The following CFAP299 variants were observed in gnomAD, a reference collection of about 807,000 sequenced individuals.
The protein encoded by CFAP299 is cilia- and flagella-associated protein 299.
Under a neutral mutation model 27.0 loss-of-function variants are expected in CFAP299, and 21 were observed. The ratio of observed to expected loss-of-function variants is 0.78; its 90% CI spans 0.55 to 1.12. The LOEUF (loss-of-function observed/expected upper bound fraction) is 1.12, where lower values mean the gene tolerates loss of function less well. Among genes scored for constraint, CFAP299 ranks in the 50% most tolerant of loss-of-function variants. The pLI, the probability that CFAP299 is intolerant of heterozygous loss-of-function variation, is 0.00. For synonymous variants in CFAP299, 104 were observed against 98.1 expected (o/e 1.06, Z -0.36); for missense variants, 310 against 276.6 (o/e 1.12, Z -0.86).
rs1361466710 is a variant in CFAP299 at position 80,535,656 on chromosome 4, CAAA to C, written c.243-47433_243-47431del. Among the ~76,000 whole-genome samples, 4 of 152,196 alleles carry C rather than the reference CAAA, an allele frequency of 2.6e-5. No homozygotes were observed. The East Asian group carries it at 7.7e-4, about 29-fold the overall frequency. On this transcript the variant is annotated intron_variant, in intron 2 of 5. Coordinates refer to ENST00000358105, the MANE Select transcript of CFAP299 (RefSeq NM_152770.3). ...CCTAGATTCTCAGGTACAGAAATCT[CAAA>C]AAACTCTCTTCCTGTTTTTGATAAA...
chr4:80,500,306 C>T lies in CFAP299; in HGVS notation c.243-82787C>T, dbSNP rs543163796. On this transcript the variant is annotated intron_variant, in intron 2 of 5. Transcript: ENST00000358105. Reference sequence around the variant, plus strand: ...TCTTCCTTGGTGGCATCTGCCATTCCATGGAAAGCAGCTTCATTCAGTGTT... The same window carrying T: ...TCTTCCTTGGTGGCATCTGCCATTCTATGGAAAGCAGCTTCATTCAGTGTT... Among the ~76,000 whole-genome samples, 4 of 152,208 alleles carry T rather than the reference C, an allele frequency of 2.6e-5. No homozygotes were observed. In the South Asian group the frequency reaches 8.3e-4, roughly 32 times the overall value.
chr4:80,708,656 C>T (rs991116232), intron 3 of CFAP299, among the ~76,000 whole-genome samples: 9 of 152,034 alleles, frequency 5.9e-5, no homozygotes, highest in African/African-American at 2.2e-4. Flanking sequence ...TCTCTTCAAA[C>T]AGCTTTCAAT....
intron 2 of CFAP299, among the ~76,000 whole-genome samples, chr4:80,371,558 C>T (rs1033008488): frequency 6.6e-6 from 1 of 152,200 alleles, no homozygotes; most frequent in Non-Finnish European, 1.5e-5. Context: ...TAGGTTTTTA[C>T]AAGCAGCCAG....
chr4:80,904,366 G>A (rs1735077868), intron 4 of CFAP299, among the ~76,000 whole-genome samples: 1 of 152,084 alleles, frequency 6.6e-6, no homozygotes, highest in Non-Finnish European at 1.5e-5. Flanking sequence ...TCCTGCAGTA[G>A]AAATACCTAC....
At chr4:80,833,423 T>C (rs773757954) in intron 3 of CFAP299, among the ~76,000 whole-genome samples, 3 of 151,708 alleles carry the variant, frequency 2.0e-5, no homozygotes, top group Non-Finnish European at 2.9e-5. Context: ...AATAACTCTA[T>C]GAGGGGTGGG....
At chr4:80,356,576 T>C (rs1198029366) in intron 1 of CFAP299, among the ~76,000 whole-genome samples, 2 of 152,094 alleles carry the variant, frequency 1.3e-5, no homozygotes, top group Non-Finnish European at 2.9e-5. Context: ...TATTCCTATG[T>C]GTTTTATTCT....
chr4:80,606,031 A>G (rs1358148066), intron 3 of CFAP299, among the ~76,000 whole-genome samples: 1 of 152,178 alleles, frequency 6.6e-6, no homozygotes. Flanking sequence ...ATGAGAGGCC[A>G]CATCACTTGC....
In CFAP299 at chr4:80,513,772, C is replaced by A. The variant is rs561213493; in HGVS notation, c.243-69321C>A. Reference sequence around the variant, plus strand: ...TTAATAGTATTTTTTTCCAATCATCCCAACTACCTTGAGAATAATAAAATT... The same window carrying A: ...TTAATAGTATTTTTTTCCAATCATCACAACTACCTTGAGAATAATAAAATT... On this transcript the variant is annotated intron_variant, in intron 2 of 5. Coordinates refer to ENST00000358105, the MANE Select transcript of CFAP299 (RefSeq NM_152770.3). 3.3e-5 allele frequency among the ~76,000 whole-genome samples: 5 copies of A among 151,998 alleles called. No homozygotes were observed. The South Asian group carries it at 1.0e-3, about 32-fold the overall frequency.
intron 3 of CFAP299, among the ~76,000 whole-genome samples, chr4:80,855,486 A>G (rs957283790): frequency 2.0e-4 from 31 of 152,256 alleles, no homozygotes; most frequent in African/African-American, 7.0e-4. Flanking sequence ...TACATGTGAC[A>G]TGCTGGTGCG....
intron 3 of CFAP299, among the ~76,000 whole-genome samples, chr4:80,630,017 A>G (rs1290599168): frequency 6.6e-6 from 1 of 152,170 alleles, no homozygotes; most frequent in East Asian, 1.9e-4. Flanking sequence ...TCTAGAATGA[A>G]AATAGTTTAA....
chr4:80,442,545 A>G (rs1263311196), intron 2 of CFAP299, among the ~76,000 whole-genome samples: 1 of 152,226 alleles, frequency 6.6e-6, no homozygotes, highest in Non-Finnish European at 1.5e-5. Flanking sequence ...TCTCTGGGAC[A>G]CAGCTAAAGC....
intron 3 of CFAP299, among the ~76,000 whole-genome samples, chr4:80,854,599 A>G (rs1177553741): frequency 6.6e-6 from 1 of 151,432 alleles, no homozygotes; most frequent in Non-Finnish European, 1.5e-5. Flanking sequence ...ATGGATCAGC[A>G]CATCTGATGG....
chr4:80,775,460 T>C (rs1401222941), intron 3 of CFAP299, among the ~76,000 whole-genome samples: 2 of 152,098 alleles, frequency 1.3e-5, no homozygotes, highest in Non-Finnish European at 2.9e-5. Context: ...AGGTCTCTTC[T>C]ATCTGTAATA....
chr4:80,791,975 A>G (rs1050685901), intron 3 of CFAP299, among the ~76,000 whole-genome samples: 2 of 151,944 alleles, frequency 1.3e-5, no homozygotes, highest in African/African-American at 4.8e-5. Flanking sequence ...AAACAACTTC[A>G]GCAAATGGCT....
At chr4:80,857,347 G>T (rs1013440860) in intron 3 of CFAP299, among the ~76,000 whole-genome samples, 3 of 152,182 alleles carry the variant, frequency 2.0e-5, no homozygotes, top group African/African-American at 7.2e-5. Context: ...CATGTCATCT[G>T]CAAACAGGGA....
At chr4:80,879,854 A>G (rs1733602055) in intron 4 of CFAP299, among the ~76,000 whole-genome samples, 2 of 152,318 alleles carry the variant, frequency 1.3e-5, no homozygotes, top group South Asian at 4.1e-4. Context: ...CTTATATTCA[A>G]ATAAATAAAG....
chr4:80,425,813 AC>A (rs1727502932), intron 2 of CFAP299, among the ~76,000 whole-genome samples: 1 of 152,314 alleles, frequency 6.6e-6, no homozygotes, highest in African/African-American at 2.4e-5. Flanking sequence ...CAATTAAGCC[AC>A]CGAACAGCTT....
At chr4:80,920,518 C>G (rs144925446) in intron 4 of CFAP299, among the ~76,000 whole-genome samples, 3 of 152,232 alleles carry the variant, frequency 2.0e-5, no homozygotes, top group African/African-American at 7.2e-5. Context: ...CTTTCGTCTT[C>G]TAATTCTAGC....
intron 2 of CFAP299, among the ~76,000 whole-genome samples, chr4:80,560,452 T>A (rs141059266): frequency 1.3e-5 from 2 of 152,084 alleles, no homozygotes; most frequent in Non-Finnish European, 2.9e-5. Flanking sequence ...AAGGGGACTT[T>A]GTCTTGCACT....
Sources: allele counts gnomAD v4.1 joint callset (sites outside exome capture counted in the v4.1 genomes callset), GRCh38; gene constraint gnomAD v4.1.1; transcripts MANE v1.5; gene names NCBI Gene and HGNC (gene_info 2026-07-23, HGNC 2026-07-21).